The following ATG2B variants were observed in gnomAD, a reference collection of about 807,000 sequenced individuals.
The protein encoded by ATG2B is autophagy-related protein 2 homolog B.
Under a neutral mutation model 241.3 loss-of-function variants are expected in ATG2B, and 121 were observed. The observed-to-expected ratio is 0.50, with a 90% CI of 0.43 to 0.58. The LOEUF (loss-of-function observed/expected upper bound fraction) is 0.58, where lower values mean the gene tolerates loss of function less well. ATG2B is among the 20% of genes least tolerant of loss of function. ATG2B has a pLI of 0.00. For missense variants in ATG2B, 2,306 were observed against 2,491.6 expected (o/e 0.93, Z 1.59); for synonymous variants, 858 against 876.6 (o/e 0.98, Z 0.37).
At chr14:96,324,405 G>T (rs1489371270) in intron 15 of ATG2B, among the ~76,000 whole-genome samples, 1 of 152,082 alleles carries the variant, frequency 6.6e-6, no homozygotes, top group Non-Finnish European at 1.5e-5. Context: ...TTCTACACGG[G>T]CTGGGCGCGG....
At position 96,289,589 on chromosome 14, in the gene ATG2B, C is replaced by T. The variant is rs932626465; in HGVS notation, c.6006+67G>A. ...CAGAATACATTTAAGCCATTAAATG[C>T]TCTTTAGGTGAAAGTTGGGAAAGCG... is the stretch of plus-strand genomic sequence containing the variant. On this transcript the variant is annotated intron_variant, in intron 41 of 41. Transcript: ENST00000359933. The surrounding 1 kb of genome is among the most constrained non-coding windows in gnomAD (Gnocchi z 4.3). 6.6e-5 allele frequency: 103 copies of T among 1,569,880 alleles called. No individual in the cohort carries two copies. Among genetic ancestry groups the T allele is most frequent in the South Asian group, 1.7e-4 (15 of 85,982 alleles).
At chr14:96,317,567 A>G (rs1887348498) in intron 19 of ATG2B, 131 bp downstream of exon 19, 12 of 783,668 alleles carry the variant, frequency 1.5e-5, no homozygotes, top group Non-Finnish European at 2.3e-5. Context: ...ATTCTTATAA[A>G]TTACTAAAAG....
At chr14:96,353,216 C>G (rs1299444420) in intron 1 of ATG2B, among the ~76,000 whole-genome samples, 2 of 152,158 alleles carry the variant, frequency 1.3e-5, no homozygotes, top group Non-Finnish European at 2.9e-5. Flanking sequence ...GTTCACACAA[C>G]AAAACTGCCT....
At chr14:96,311,310 G>A in intron 27 of ATG2B, 23 bp from the exon 28 acceptor site, 1 of 1,580,404 alleles carries the variant, frequency 6.3e-7, no homozygotes, top group Non-Finnish European at 8.6e-7. Context: ...CAGAAAAAGG[G>A]ATGAAAATGT....
At chr14:96,306,643 T>G (rs1031197211) in intron 30 of ATG2B, 71 bp downstream of exon 30, 1 of 1,323,332 alleles carries the variant, frequency 7.6e-7, no homozygotes, top group African/African-American at 1.5e-5. Context: ...AACAGAATTT[T>G]CTCCAGGTAC....
At chr14:96,322,371 T>C in intron 17 of ATG2B, 117 bp from the exon 18 acceptor site, 7 of 1,361,306 alleles carry the variant, frequency 5.1e-6, no homozygotes, top group Non-Finnish European at 6.0e-6. Context: ...ATGAAACATT[T>C]AACTAGAGAA....
chr14:96,322,487 T>C, intron 17 of ATG2B, 53 bp downstream of exon 17: 1 of 1,532,210 alleles, frequency 6.5e-7, no homozygotes, highest in Non-Finnish European at 8.8e-7. Context: ...AAAGCATTGC[T>C]CTATGACAGA....
chr14:96,302,113 A>T lies in ATG2B; in HGVS notation c.5038-5T>A. On this transcript the variant is annotated splice_region_variant and splice_polypyrimidine_tract_variant and intron_variant, in intron 33 of 41. Transcript: ENST00000359933. ...GTGTAAGGCTTTCACTGTCAACTAC[A>T]AGGCAAGAAAGAGAATAACATTTTT... The T allele has an allele frequency of 1.3e-6, 2 of 1,581,400 alleles. No homozygotes were observed. The highest frequency in any genetic ancestry group is 1.7e-6 in the Non-Finnish European group (2 of 1,152,564).
chr14:96,346,631 C>A (rs1888176817), intron 2 of ATG2B, among the ~76,000 whole-genome samples: 1 of 152,160 alleles, frequency 6.6e-6, no homozygotes, highest in African/African-American at 2.4e-5. Flanking sequence ...CTAATTCTAT[C>A]ATTTTTTTCT....
chr14:96,330,376 T>G (rs922823858), intron 11 of ATG2B, among the ~76,000 whole-genome samples: 6 of 152,344 alleles, frequency 3.9e-5, no homozygotes, highest in African/African-American at 1.4e-4. Flanking sequence ...CTAAAAATAC[T>G]AATATATGAT....
chr14:96,290,465 G>C lies in ATG2B; in HGVS notation c.5827C>G (p.Leu1943Val). 6.2e-7 allele frequency: 1 copy of C among 1,614,210 alleles called. No homozygotes were observed. The highest frequency in any genetic ancestry group is 8.5e-7 in the Non-Finnish European group (1 of 1,180,034). Residue 1943 changes from leucine to valine, a missense_variant, in exon 40 of 42, where the codon CTC (leucine) becomes GTC (valine). Coordinates refer to ENST00000359933, the MANE Select transcript of ATG2B (RefSeq NM_018036.7). The surrounding 1 kb of genome is among the most constrained non-coding windows in gnomAD (Gnocchi z 4.4). Reference sequence around the variant, plus strand: ...ATGGTTTGAACCATTCTGTTTGTGAGTTCTAGAGCAGCCATCGCTGTCGAG... The same window carrying C: ...ATGGTTTGAACCATTCTGTTTGTGACTTCTAGAGCAGCCATCGCTGTCGAG... Reference protein sequence around the residue: ...GTSTAMAALELTNRMVQTIQA... With the variant: ...GTSTAMAALEVTNRMVQTIQA...
rs760225372 is a variant in ATG2B at position 96,295,502 on chromosome 14, T to C, written c.5198A>G (p.Gln1733Arg). 6.2e-7 allele frequency: 1 copy of C among 1,605,624 alleles called. No individual in the cohort carries two copies. The highest frequency in any genetic ancestry group is 8.5e-7 in the Non-Finnish European group (1 of 1,176,824). The part of the protein sequence containing the change: ...FTSLSAEVEL[Q>R]MTPDPEVKKS... ...AATACCTTCTGGATCTGGAGTCATT[T>C]GAAGCTCTACTTCTGCAGAAAGACT... The change falls in exon 35 of 42, where the codon CAA (glutamine) becomes CGA (arginine). Residue 1733 changes from glutamine to arginine, a missense_variant. Gln to Arg is a conservative substitution (Grantham distance 43). This residue lies in a region of ATG2B where 379 missense variants were observed against 480.4 expected (regional missense o/e 0.79). Transcript: ENST00000359933.
intron 33 of ATG2B, among the ~76,000 whole-genome samples, chr14:96,302,809 A>C (rs1249394544): frequency 6.6e-6 from 1 of 152,222 alleles, no homozygotes; most frequent in African/African-American, 2.4e-5. Context: ...CCTATTTTGT[A>C]CTGATCACTA....
intron 29 of ATG2B, among the ~76,000 whole-genome samples, chr14:96,307,310 C>G (rs1450092025): frequency 6.6e-6 from 1 of 151,986 alleles, no homozygotes; most frequent in Non-Finnish European, 1.5e-5. Context: ...ACCTGGGAGG[C>G]CGAGGTAGGA....
chr14:96,290,405 T>C lies in ATG2B; in HGVS notation c.5856+31A>G. 6.3e-7 allele frequency: 1 copy of C among 1,597,034 alleles called. No homozygotes were observed. The highest frequency in any genetic ancestry group is 1.1e-5 in the South Asian group (1 of 89,306). On this transcript the variant is annotated intron_variant, in intron 40 of 41. Coordinates refer to ENST00000359933, the MANE Select transcript of ATG2B (RefSeq NM_018036.7). The surrounding 1 kb of genome is among the most constrained non-coding windows in gnomAD (Gnocchi z 4.4). ...CCCAACCATTTCACAATGGCTCTTT[T>C]TGGATAGACTAAGGCAGTCTAAAAA...
Position 96,306,829 on chromosome 14 carries a change from T to A in ATG2B, c.4391A>T (p.Glu1464Val), listed in dbSNP as rs751239741. 5 of 1,614,126 alleles carry A rather than the reference T, an allele frequency of 3.1e-6. No individual in the cohort carries two copies. In the South Asian group the frequency reaches 5.5e-5, roughly 18 times the overall value. ...FPDESGNVSQ[E>V]SGPTYASFSH... The stretch of plus-strand genomic sequence containing the variant: ...GAATGAGGCATAGGTGGGGCCGGAC[T>A]CCTGGGATACATTCCCACTCTCGTC... The change falls in exon 30 of 42, where the codon GAG (glutamate) becomes GTG (valine). Residue 1464 changes from glutamate to valine, a missense_variant. By Grantham distance (121) the Glu-to-Val change is moderately radical. Around this residue, in one of 2 missense-constraint regions of ATG2B, gnomAD observed 1,927 missense variants for 2,011.2 expected, o/e 0.96. Coordinates refer to ENST00000359933, the MANE Select transcript of ATG2B (RefSeq NM_018036.7).
At chr14:96,310,576 C>T (rs1049620690) in intron 28 of ATG2B, among the ~76,000 whole-genome samples, 1 of 152,170 alleles carries the variant, frequency 6.6e-6, no homozygotes, top group Non-Finnish European at 1.5e-5. Flanking sequence ...GCTGTTTCTG[C>T]TACTCTTTAG....
intron 1 of ATG2B, among the ~76,000 whole-genome samples, chr14:96,348,668 C>CA (rs201521690): frequency 0.014 from 1,550 of 108,274 alleles, 16 homozygotes; most frequent in African/African-American, 0.032. Flanking sequence ...GACTCCATCT[C>CA]AAAAAAAAAA....
Position 96,332,564 on chromosome 14 carries a change from A to C in ATG2B, c.1299T>G (p.Leu433=), listed in dbSNP as rs555929912. ...TATATGTACTAGTTAATGATAACTC[A>C]AGGTCCATGTTTGGGGGGTCCCCAA... ...PPLGDPPNMD[L]ELSLTSTYTN... Residue 433 remains leucine (L), a synonymous_variant, in exon 9 of 42, where the codon CTT becomes CTG. Transcript: ENST00000359933. 9.9e-6 allele frequency: 16 copies of C among 1,611,698 alleles called. No homozygotes were observed. The East Asian group carries it at 2.7e-4, about 27-fold the overall frequency.
Sources: gnomAD v4.1 joint callset for allele counts (sites outside exome capture counted in the v4.1 genomes callset) on GRCh38, gnomAD v4.1.1 for gene constraint, gnomAD v4.1.1 regional missense constraint, Gnocchi (gnomAD v3.1) non-coding constraint, MANE v1.5 for transcripts, NCBI Gene and HGNC (gene_info 2026-07-23, HGNC 2026-07-21) for gene names.